GABRB2: variants seen among roughly 807,000 people sequenced by gnomAD.
GABRB2 encodes the protein gamma-aminobutyric acid type A receptor subunit beta2.
A neutral mutation model predicts 54.7 loss-of-function variants in GABRB2; 16 were observed. The observed-to-expected ratio is 0.29, with a 90% CI of 0.20 to 0.44. The LOEUF is 0.44. GABRB2 is among the 20% of genes least tolerant of loss of function. The pLI is 1.00. For synonymous variants in GABRB2, 244 were observed against 233.8 expected (o/e 1.04, Z -0.40); for missense variants, 355 against 644.0 (o/e 0.55, Z 4.86).
At chr5:161,335,003 T>C in intron 6 of GABRB2, 99 bp from the exon 7 acceptor site, 1 of 1,211,612 alleles carries the variant, frequency 8.3e-7, no homozygotes, top group Non-Finnish European at 1.2e-6. Context: ...TCAGTTCAGT[T>C]TTAGCTCTTA....
At chr5:161,495,238 C>T (rs1382771743) in intron 3 of GABRB2, among the ~76,000 whole-genome samples, 2 of 151,810 alleles carry the variant, frequency 1.3e-5, no homozygotes, top group Non-Finnish European at 2.9e-5. Flanking sequence ...TTGAATAAGT[C>T]CTACCTTAAT....
At chr5:161,347,698 T>C (rs1357563566) in intron 5 of GABRB2, among the ~76,000 whole-genome samples, 1 of 152,130 alleles carries the variant, frequency 6.6e-6, no homozygotes, top group Non-Finnish European at 1.5e-5. Context: ...TAAAATCATC[T>C]GGGCCTGGCT....
chr5:161,498,427 T>C (rs565009998), intron 3 of GABRB2, among the ~76,000 whole-genome samples: 1 of 152,094 alleles, frequency 6.6e-6, no homozygotes, highest in Non-Finnish European at 1.5e-5. Flanking sequence ...ATGCTGGAGC[T>C]GAAATGACCC....
chr5:161,544,739 G>A (rs939807373), intron 3 of GABRB2, among the ~76,000 whole-genome samples: 3 of 152,146 alleles, frequency 2.0e-5, no homozygotes, highest in Non-Finnish European at 4.4e-5. Context: ...GGGCAGGAAT[G>A]GGGGATGGGG....
At chr5:161,318,814 C>T (rs1186618589) in intron 9 of GABRB2, among the ~76,000 whole-genome samples, 1 of 151,962 alleles carries the variant, frequency 6.6e-6, no homozygotes, top group Non-Finnish European at 1.5e-5. Context: ...TTAGAAAAAA[C>T]TGATCGCTTA....
At chr5:161,518,233 C>T (rs76294505) in intron 3 of GABRB2, among the ~76,000 whole-genome samples, 7,331 of 152,232 alleles carry the variant, frequency 0.048, 443 homozygotes, top group Admixed American at 0.16. Context: ...AAAGTATGAA[C>T]AGTAAGAATT....
chr5:161,317,060 G>GGT (rs149852961), intron 9 of GABRB2, among the ~76,000 whole-genome samples: 1 of 151,684 alleles, frequency 6.6e-6, no homozygotes, highest in South Asian at 2.1e-4. Context: ...GTGTGTGGCA[G>GGT]GTGTGTGTGT....
At chr5:161,425,357 A>T (rs1227661416) in intron 4 of GABRB2, among the ~76,000 whole-genome samples, 1 of 152,020 alleles carries the variant, frequency 6.6e-6, no homozygotes, top group African/African-American at 2.4e-5. Context: ...TATTTTAATA[A>T]ATTGTTCCAG....
chr5:161,475,428 A>G (rs1233375779), intron 3 of GABRB2, among the ~76,000 whole-genome samples: 1 of 151,936 alleles, frequency 6.6e-6, no homozygotes, highest in Non-Finnish European at 1.5e-5. Context: ...ATCCTCTCCA[A>G]TCTCATCCAG....
At chr5:161,356,826 A>T (rs914658310) in intron 5 of GABRB2, among the ~76,000 whole-genome samples, 3 of 152,134 alleles carry the variant, frequency 2.0e-5, no homozygotes, top group African/African-American at 7.2e-5. Context: ...AACCCTGGAT[A>T]TTTTTGGAAT....
chr5:161,373,681 T>C (rs1432885221), intron 5 of GABRB2, among the ~76,000 whole-genome samples: 2 of 152,186 alleles, frequency 1.3e-5, no homozygotes, highest in Non-Finnish European at 2.9e-5. Flanking sequence ...TCTTTCTCAG[T>C]TATTATATAT....
intron 5 of GABRB2, among the ~76,000 whole-genome samples, chr5:161,355,149 T>A (rs899586495): frequency 1.3e-5 from 2 of 151,808 alleles, no homozygotes; most frequent in African/African-American, 4.8e-5. Flanking sequence ...ATTTCCTTGG[T>A]TGATTTTCTT....
At chr5:161,439,257 G>A (rs1341762609) in intron 4 of GABRB2, among the ~76,000 whole-genome samples, 1 of 152,132 alleles carries the variant, frequency 6.6e-6, no homozygotes, top group Admixed American at 6.5e-5. Flanking sequence ...TATTTAAAGT[G>A]CTGAAAGAAA....
At chr5:161,465,309 G>A (rs1758247592) in intron 3 of GABRB2, among the ~76,000 whole-genome samples, 1 of 151,972 alleles carries the variant, frequency 6.6e-6, no homozygotes, top group African/African-American at 2.4e-5. Context: ...AATACACAGG[G>A]ACATAGGGCT....
intron 9 of GABRB2, among the ~76,000 whole-genome samples, chr5:161,320,324 A>T (rs1177610761): frequency 6.6e-6 from 1 of 151,744 alleles, no homozygotes; most frequent in African/African-American, 2.4e-5. Context: ...TAAAATTAGT[A>T]TTATTTTCTA....
chr5:161,533,454 T>A (rs1446118277), intron 3 of GABRB2, among the ~76,000 whole-genome samples: 1 of 152,098 alleles, frequency 6.6e-6, no homozygotes, highest in East Asian at 1.9e-4. Context: ...AATATTAAGA[T>A]GGAAACAGAG....
At chr5:161,326,605 C>G (rs572726321) in intron 8 of GABRB2, 124 bp from the exon 9 acceptor site, 23 of 1,172,932 alleles carry the variant, frequency 2.0e-5, no homozygotes, top group Admixed American at 1.7e-4. Context: ...TAGATAAAGG[C>G]TAACAGAGAA....
In GABRB2 at chr5:161,288,770, C is replaced by CT. The variant is rs541245416; in HGVS notation, c.*5310dup. 9,972 of 147,400 alleles carry CT rather than the reference C, an allele frequency of 0.068. 411 individuals carry two copies. The highest frequency in any genetic ancestry group is 0.091 in the Middle Eastern group (26 of 286). The allele number at this position is 147,400 out of a possible 1,614,324, so 9.1% of individuals were successfully genotyped here. A position where few individuals can be genotyped will look rare whatever the true frequency, so the allele number is the denominator to read the frequency against. Reference sequence around the variant, plus strand: ...ACATTGTGAAGAAACTAGAATATCACTTTTTTTTTTTATAAAAGGACAATT... The same window carrying CT: ...ACATTGTGAAGAAACTAGAATATCACTTTTTTTTTTTTATAAAAGGACAATT... On this transcript the variant is annotated 3_prime_UTR_variant, in exon 10 of 10. Transcript: ENST00000393959.
In GABRB2 at chr5:161,389,387, A is replaced by C. The variant is rs536334904; in HGVS notation, c.541+21588T>G. On this transcript the variant is annotated intron_variant, in intron 5 of 9. Transcript: ENST00000393959. ...CTGACTCATGTTAACAGTGAAAAAC[A>C]CTGGACTTTGACTAATATCATCTTG... Among the ~76,000 whole-genome samples the C allele has an allele frequency of 2.5e-4, 38 of 152,192 alleles. No individual in the cohort carries two copies. The South Asian group carries it at 7.2e-3, about 29-fold the overall frequency.
Sources: gnomAD v4.1 joint callset for allele counts (sites outside exome capture counted in the v4.1 genomes callset) on GRCh38, gnomAD v4.1.1 for gene constraint, MANE v1.5 for transcripts, NCBI Gene and HGNC (gene_info 2026-07-23, HGNC 2026-07-21) for gene names.